Variants in DLC1 observed in about 807,000 individuals in gnomAD.
DLC1 encodes the protein DLC1 Rho GTPase activating protein.
Under a neutral mutation model 140.3 loss-of-function variants are expected in DLC1, and 54 were observed. That is an observed-to-expected ratio of 0.38 (90% confidence interval 0.31 to 0.48). DLC1 has a LOEUF of 0.48. Among genes scored for constraint, DLC1 ranks in the 20% least tolerant of loss-of-function variants. The pLI, the probability that DLC1 is intolerant of heterozygous loss-of-function variation, is 0.96. For synonymous variants in DLC1, 986 were observed against 728.1 expected, an observed-to-expected ratio of 1.35 and a Z score of -5.70; for missense variants, 2,536 against 1,907.0, an observed-to-expected ratio of 1.33 and a Z score of -6.14.
At chr8:13,102,976 C>A in intron 7 of DLC1, 123 bp from the exon 8 acceptor site, 1 of 763,780 alleles carries the variant, frequency 1.3e-6, no homozygotes, top group South Asian at 1.7e-5. Context: ...ATACCTAATA[C>A]CTAGAGGAGT....
chr8:13,141,037 G>C (rs957051176), intron 5 of DLC1, among the ~76,000 whole-genome samples: 3 of 151,214 alleles, frequency 2.0e-5, no homozygotes, highest in African/African-American at 4.9e-5. Flanking sequence ...TGTGGATCAC[G>C]TGGGGTCGGG....
At chr8:13,306,594 G>C (rs995598541) in intron 4 of DLC1, among the ~76,000 whole-genome samples, 1 of 151,862 alleles carries the variant, frequency 6.6e-6, no homozygotes, top group Non-Finnish European at 1.5e-5. Flanking sequence ...GAGAGAGAGA[G>C]AGAGAGAGGC....
chr8:13,206,215 G>C (rs1287366186), intron 5 of DLC1, among the ~76,000 whole-genome samples: 1 of 152,156 alleles, frequency 6.6e-6, no homozygotes, highest in Admixed American at 6.5e-5. Flanking sequence ...TGTTCATCTT[G>C]CCTTAGTAAA....
intron 5 of DLC1, among the ~76,000 whole-genome samples, chr8:13,143,045 A>AT: frequency 6.8e-6 from 1 of 147,622 alleles, no homozygotes. Context: ...CTCCGTCTCA[A>AT]AAAAAAAAAA....
At chr8:13,506,582 T>TG (rs1563407611) in intron 1 of DLC1, among the ~76,000 whole-genome samples, 1 of 3,290 alleles carries the variant, frequency 3.0e-4, no homozygotes, top group African/African-American at 7.0e-4. Context: ...TGTGTGTGTG[T>TG]ATATATATAT....
At chr8:13,171,380 C>A (rs975458198) in intron 5 of DLC1, among the ~76,000 whole-genome samples, 1 of 152,090 alleles carries the variant, frequency 6.6e-6, no homozygotes, top group South Asian at 2.1e-4. Context: ...TGTAGGTGCC[C>A]TACTTCCTTT....
intron 5 of DLC1, among the ~76,000 whole-genome samples, chr8:13,290,454 G>T (rs1253817762): frequency 6.6e-6 from 1 of 152,062 alleles, no homozygotes; most frequent in Non-Finnish European, 1.5e-5. Flanking sequence ...TAAAGGATAT[G>T]CCTTTTTTCT....
At chr8:13,313,620 G>A (rs1030539965) in intron 4 of DLC1, among the ~76,000 whole-genome samples, 1 of 152,066 alleles carries the variant, frequency 6.6e-6, no homozygotes, top group Non-Finnish European at 1.5e-5. Flanking sequence ...AGATTAAAAA[G>A]CAACTACTGT....
intron 1 of DLC1, among the ~76,000 whole-genome samples, chr8:13,579,359 ATATT>A (rs1804979790): frequency 3.7e-5 from 1 of 27,180 alleles, no homozygotes; most frequent in African/African-American, 1.8e-4. Context: ...ATATATATAT[ATATT>A]TTTATATAAT....
chr8:13,243,764 C>A (rs964142770), intron 5 of DLC1, among the ~76,000 whole-genome samples: 1 of 152,220 alleles, frequency 6.6e-6, no homozygotes, highest in Non-Finnish European at 1.5e-5. Context: ...CATCAAGTTA[C>A]TAGCAACATC....
chr8:13,441,765 G>A (rs1411122124), intron 2 of DLC1, among the ~76,000 whole-genome samples: 14 of 152,070 alleles, frequency 9.2e-5, no homozygotes, highest in African/African-American at 1.7e-4. Context: ...AATCAATATC[G>A]TGAACATGGC....
At chr8:13,401,962 G>A (rs1393959485) in intron 2 of DLC1, among the ~76,000 whole-genome samples, 1 of 152,046 alleles carries the variant, frequency 6.6e-6, no homozygotes, top group Non-Finnish European at 1.5e-5. Flanking sequence ...AGTACAAATT[G>A]ATTATTTAAA....
At chr8:13,572,091 A>ATTTTTTTT (rs773027065) in intron 1 of DLC1, among the ~76,000 whole-genome samples, 1 of 56,302 alleles carries the variant, frequency 1.8e-5, no homozygotes, top group African/African-American at 8.5e-5. Flanking sequence ...TATTATTATT[A>ATTTTTTTT]TTTATTTTTT....
chr8:13,240,559 G>A (rs528660213), intron 5 of DLC1, among the ~76,000 whole-genome samples: 2 of 152,062 alleles, frequency 1.3e-5, no homozygotes, highest in African/African-American at 2.4e-5. Flanking sequence ...CCAAGTAGCT[G>A]GGACTACAGG....
In DLC1 at chr8:13,448,029, G is replaced by A. The variant is rs115991678; in HGVS notation, c.1024-46410C>T. ...AAACACCCAAGGCCTAGAATATTTG[G>A]AAGCATGGATAACTAAATGTTAATG... On this transcript the variant is annotated intron_variant, in intron 2 of 17. Transcript: ENST00000276297. Among the ~76,000 whole-genome samples the A allele has an allele frequency of 4.2e-3, 639 of 152,262 alleles. 8 individuals are homozygous for A. Among genetic ancestry groups the A allele is most frequent in the African/African-American group, 0.015 (620 of 41,538 alleles).
At chr8:13,401,019 T>G (rs1038900933) in intron 3 of DLC1, among the ~76,000 whole-genome samples, 1 of 152,182 alleles carries the variant, frequency 6.6e-6, no homozygotes, top group Non-Finnish European at 1.5e-5. Flanking sequence ...TTGTTTCTTG[T>G]AGTGTGTTGG....
chr8:13,276,772 C>G (rs145533148), intron 5 of DLC1: 53 of 190,410 alleles, frequency 2.8e-4, no homozygotes, highest in African/African-American at 1.2e-3. Context: ...CTCGCGTTTT[C>G]AAAGGGAAAC....
chr8:13,598,942 T>C (rs1483886591), intron 1 of DLC1, among the ~76,000 whole-genome samples: 1 of 151,858 alleles, frequency 6.6e-6, no homozygotes, highest in African/African-American at 2.4e-5. Flanking sequence ...GTATATGTAA[T>C]ATACAATTTA....
intron 3 of DLC1, among the ~76,000 whole-genome samples, chr8:13,397,005 CT>C (rs1303340703): frequency 6.7e-6 from 1 of 150,262 alleles, no homozygotes; most frequent in Non-Finnish European, 1.5e-5. Context: ...AAGACTCCAT[CT>C]ATCAGTGTTA....
Sources: gnomAD v4.1 joint callset for allele counts (sites outside exome capture counted in the v4.1 genomes callset) on GRCh38, gnomAD v4.1.1 for gene constraint, MANE v1.5 for transcripts, NCBI Gene and HGNC (gene_info 2026-07-23, HGNC 2026-07-21) for gene names.